ARL13B: variants seen among roughly 807,000 people sequenced by gnomAD.
ARL13B encodes the protein ADP-ribosylation factor-like protein 13B.
Under a neutral mutation model 56.1 loss-of-function variants are expected in ARL13B, and 36 were observed. That is an observed-to-expected ratio of 0.64 (90% CI 0.49 to 0.85). The LOEUF is 0.85. Among genes scored for constraint, ARL13B ranks in the 40% least tolerant of loss-of-function variants. ARL13B has a pLI of 0.00. For missense variants in ARL13B, 519 were observed against 507.1 expected (o/e 1.02, Z -0.23); for synonymous variants, 178 against 171.1 (o/e 1.04, Z -0.32).
chr3:93,989,555 AT>A (rs200041280), intron 1 of ARL13B, among the ~76,000 whole-genome samples: 29,085 of 148,142 alleles, frequency 0.2, 3,206 homozygotes, highest in Non-Finnish European at 0.25. Context: ...GCTATGGTTA[AT>A]TTTTTTTTTT....
chr3:93,992,321 T>G (rs1053434670), intron 1 of ARL13B, among the ~76,000 whole-genome samples: 10 of 152,190 alleles, frequency 6.6e-5, no homozygotes, highest in African/African-American at 2.4e-4. Context: ...GTGAAAAGTT[T>G]TCGTGATGTT....
intron 6 of ARL13B, among the ~76,000 whole-genome samples, chr3:94,041,465 A>G (rs763055070): frequency 6.6e-6 from 1 of 152,196 alleles, no homozygotes; most frequent in Non-Finnish European, 1.5e-5. Flanking sequence ...GATAATATAG[A>G]TAAGTCTTTA....
intron 3 of ARL13B, among the ~76,000 whole-genome samples, chr3:94,014,068 C>T (rs2076275471): frequency 6.6e-6 from 1 of 152,196 alleles, no homozygotes; most frequent in Non-Finnish European, 1.5e-5. Context: ...TACTACTTAA[C>T]ACATGAGAGA....
At chr3:94,024,166 G>A (rs139908093) in intron 3 of ARL13B, among the ~76,000 whole-genome samples, 25 of 152,112 alleles carry the variant, frequency 1.6e-4, no homozygotes, top group African/African-American at 5.5e-4. Flanking sequence ...AAAGGATCTC[G>A]CTCTTTTGTC....
At chr3:94,025,956 A>G (rs2076546920) in intron 3 of ARL13B, among the ~76,000 whole-genome samples, 1 of 152,036 alleles carries the variant, frequency 6.6e-6, no homozygotes, top group Admixed American at 6.6e-5. Context: ...AATTAGCTTT[A>G]ATTACTACTC....
At chr3:94,042,978 C>G (rs763659543) in intron 6 of ARL13B, 37 bp from the exon 7 acceptor site, 8 of 1,502,032 alleles carry the variant, frequency 5.3e-6, no homozygotes, top group Non-Finnish European at 7.2e-6. Context: ...TAGATAAAAC[C>G]ATCATAGTAA....
intron 1 of ARL13B, among the ~76,000 whole-genome samples, 160 bp downstream of exon 1, chr3:93,980,642 T>C (rs1428073339): frequency 1.3e-5 from 2 of 152,210 alleles, no homozygotes; most frequent in African/African-American, 4.8e-5. Flanking sequence ...TTGGAGGATG[T>C]AGCCTTGTTG....
chr3:94,024,550 T>C (rs2076516264), intron 3 of ARL13B, among the ~76,000 whole-genome samples: 1 of 152,198 alleles, frequency 6.6e-6, no homozygotes, highest in Non-Finnish European at 1.5e-5. Flanking sequence ...CTAATGTTTT[T>C]ATGACTGGAA....
At chr3:94,044,112 C>T (rs1175065467) in intron 7 of ARL13B, among the ~76,000 whole-genome samples, 16 of 152,074 alleles carry the variant, frequency 1.1e-4, no homozygotes, top group African/African-American at 2.9e-4. Context: ...TCTGCCTGGC[C>T]GCCCATCGTC....
At chr3:94,031,359 C>G (rs1268621792) in intron 3 of ARL13B, among the ~76,000 whole-genome samples, 1 of 151,822 alleles carries the variant, frequency 6.6e-6, no homozygotes, top group Non-Finnish European at 1.5e-5. Context: ...AAGTCAATAG[C>G]AAATGTTTAT....
At chr3:93,989,949 G>A (rs1458885217) in intron 1 of ARL13B, among the ~76,000 whole-genome samples, 1 of 152,084 alleles carries the variant, frequency 6.6e-6, no homozygotes, top group Non-Finnish European at 1.5e-5. Flanking sequence ...CTTCTGGAAA[G>A]GTTACATCAT....
chr3:94,004,928 T>C (rs927100623), intron 3 of ARL13B, among the ~76,000 whole-genome samples: 13 of 152,116 alleles, frequency 8.5e-5, no homozygotes, highest in African/African-American at 2.9e-4. Context: ...TAGGCTAAAT[T>C]GGTGTTTACA....
intron 1 of ARL13B, among the ~76,000 whole-genome samples, chr3:93,982,035 G>A (rs1710247137): frequency 6.6e-6 from 1 of 152,116 alleles, no homozygotes; most frequent in Non-Finnish European, 1.5e-5. Flanking sequence ...CTGCTTTTAA[G>A]AAATGTATTT....
chr3:93,993,229 G>A (rs548417346), intron 1 of ARL13B, among the ~76,000 whole-genome samples: 3 of 152,152 alleles, frequency 2.0e-5, no homozygotes, highest in Admixed American at 1.3e-4. Context: ...GCGTTCAAGC[G>A]ATTCTCCAGC....
At chr3:94,013,643 A>T (rs780777295) in intron 3 of ARL13B, among the ~76,000 whole-genome samples, 9 of 152,150 alleles carry the variant, frequency 5.9e-5, no homozygotes, top group Non-Finnish European at 1.2e-4. Context: ...TTACCTTCTG[A>T]GGATAAAAGA....
intron 1 of ARL13B, among the ~76,000 whole-genome samples, chr3:93,987,573 C>G (rs149331054): frequency 6.6e-5 from 10 of 151,988 alleles, no homozygotes; most frequent in African/African-American, 2.2e-4. Context: ...TTTTATTTGT[C>G]GTGTTGAGAA....
intron 1 of ARL13B, among the ~76,000 whole-genome samples, chr3:93,983,939 T>C (rs1023519363): frequency 6.6e-6 from 1 of 152,198 alleles, no homozygotes; most frequent in African/African-American, 2.4e-5. Context: ...AAAACTTAAT[T>C]ACTAATAGCC....
intron 1 of ARL13B, among the ~76,000 whole-genome samples, chr3:93,994,028 A>T (rs1229752110): frequency 6.6e-6 from 1 of 152,188 alleles, no homozygotes; most frequent in Non-Finnish European, 1.5e-5. Flanking sequence ...TAGGTATGGG[A>T]TGGTTGAAAC....
Position 94,043,038 on chromosome 3 carries a change from G to A in ARL13B, c.822G>A (p.Glu274=), listed in dbSNP as rs547842227. Residue 274 remains glutamate, a synonymous_variant, in exon 7 of 10, where the codon GAG becomes GAA. Transcript: ENST00000394222. ...AGAATGAAGGAAAACTTGAAAGAGAGAAAAAAAACCAAAAAATGGAGAAAG... is the reference window on the plus strand; with the variant it reads ...AGAATGAAGGAAAACTTGAAAGAGAAAAAAAAAACCAAAAAATGGAGAAAG... ...IIENEGKLER[E]KKNQKMEKDS... The A allele has an allele frequency of 1.2e-6, 2 of 1,608,148 alleles. No individual in the cohort carries two copies. Among genetic ancestry groups the A allele is most frequent in the Non-Finnish European group, 1.7e-6 (2 of 1,178,024 alleles).
Sources: gnomAD v4.1 joint callset for allele counts (sites outside exome capture counted in the v4.1 genomes callset) on GRCh38, gnomAD v4.1.1 for gene constraint, MANE v1.5 for transcripts, NCBI Gene and HGNC (gene_info 2026-07-23, HGNC 2026-07-21) for gene names.